The following RAB33B variants were observed in gnomAD, a reference collection of about 807,000 sequenced individuals.
The protein encoded by RAB33B is RAB33B, member RAS oncogene family, also known as ras-related protein Rab-33B.
RAB33B carries 6 observed loss-of-function variants against 15.0 expected under a neutral mutation model. The ratio of observed to expected loss-of-function variants is 0.40; its 90% CI spans 0.22 to 0.79. The LOEUF (loss-of-function observed/expected upper bound fraction) is 0.79, where lower values mean the gene tolerates loss of function less well. RAB33B is among the 30% of genes least tolerant of loss of function. The pLI, the probability that RAB33B is intolerant of heterozygous loss-of-function variation, is 0.37. For missense variants in RAB33B, 257 were observed against 296.4 expected (o/e 0.87, Z 0.98); for synonymous variants, 117 against 108.3 (o/e 1.08, Z -0.50).
At chr4:139,465,722 C>CTTTTTTT (rs375295002) in intron 1 of RAB33B, among the ~76,000 whole-genome samples, 2 of 133,238 alleles carry the variant, frequency 1.5e-5, no homozygotes, top group African/African-American at 2.9e-5. Context: ...TCTTCTTCTT[C>CTTTTTTT]TTTTTTTTTT....
the RAB33B span, among the ~76,000 whole-genome samples, chr4:139,440,397 G>A: frequency 1.3e-5 from 2 of 152,298 alleles, no homozygotes; most frequent in South Asian, 4.1e-4. Context: ...CAATGGAAGT[G>A]CAACAATGGC....
chr4:139,471,821 A>G (rs1750398444), intron 1 of RAB33B, among the ~76,000 whole-genome samples: 1 of 152,194 alleles, frequency 6.6e-6, no homozygotes, highest in African/African-American at 2.4e-5. Context: ...TGCCTAATCC[A>G]AGGTTACGAA....
intron 1 of RAB33B, among the ~76,000 whole-genome samples, chr4:139,455,909 A>C (rs1260954873): frequency 6.6e-6 from 1 of 152,154 alleles, no homozygotes. Context: ...TACTAGGGTG[A>C]CCAACTTTGC....
the RAB33B span, among the ~76,000 whole-genome samples, chr4:139,447,482 C>T: frequency 6.6e-6 from 1 of 151,942 alleles, no homozygotes; most frequent in Non-Finnish European, 1.5e-5. Context: ...GTCTTAGTTT[C>T]AAAGGGAGGA....
upstream of RAB33B, chr4:139,454,060 C>T (rs1039035125): frequency 9.4e-6 from 10 of 1,067,932 alleles, no homozygotes; most frequent in Admixed American, 9.2e-5. Flanking sequence ...CAGGCGCGCT[C>T]GGGGCTGGTG....
intron 1 of RAB33B, among the ~76,000 whole-genome samples, chr4:139,465,066 T>C (rs1750256159): frequency 6.6e-6 from 1 of 152,246 alleles, no homozygotes; most frequent in Admixed American, 6.5e-5. Flanking sequence ...TCCTGACTTT[T>C]TAGTGATCGC....
At chr4:139,459,130 CA>C (rs70943419) in intron 1 of RAB33B, among the ~76,000 whole-genome samples, 60,030 of 119,984 alleles carry the variant, frequency 0.5, 14,386 homozygotes, top group Admixed American at 0.64. Flanking sequence ...AATCCCATCT[CA>C]AAAAAAAAAA....
chr4:139,442,629 C>A, the RAB33B span, among the ~76,000 whole-genome samples: 1 of 152,128 alleles, frequency 6.6e-6, no homozygotes, highest in Non-Finnish European at 1.5e-5. Flanking sequence ...CCAGCCTATA[C>A]CTTTCTCCTA....
Position 139,473,283 on chromosome 4 carries a change from T to G in RAB33B, c.*157T>G, listed in dbSNP as rs1338664947. On this transcript the variant is annotated 3_prime_UTR_variant, in exon 2 of 2. Transcript: ENST00000305626. ...TTTTGTATTTTGTATCTACTTAAGT[T>G]TGTCACTGTGACAACACAGGAAAAG... The G allele has an allele frequency of 1.4e-6, 1 of 706,980 alleles. No homozygotes were observed. The highest frequency in any genetic ancestry group is 2.2e-6 in the Non-Finnish European group (1 of 451,088). The allele number at this position is 706,980 out of a possible 1,614,324, so 43.8% of individuals were successfully genotyped here.
rs115066055 is a variant in RAB33B, at chr4:139,464,219, A to G, written c.250-8467A>G. On this transcript the variant is annotated intron_variant, in intron 1 of 1. Coordinates refer to ENST00000305626, the MANE Select transcript of RAB33B (RefSeq NM_031296.3). Reference sequence around the variant, plus strand: ...TTGAGCCTGGTAGGTGGAGGCTGCAATGATCCATGATTGTGCCACTGCATT... The same window carrying G: ...TTGAGCCTGGTAGGTGGAGGCTGCAGTGATCCATGATTGTGCCACTGCATT... 6.1e-3 allele frequency among the ~76,000 whole-genome samples: 924 copies of G among 152,174 alleles called. 10 individuals are homozygous for G. The highest frequency in any genetic ancestry group is 0.021 in the African/African-American group (856 of 41,526).
chr4:139,441,727 T>C, the RAB33B span, among the ~76,000 whole-genome samples: 1 of 152,190 alleles, frequency 6.6e-6, no homozygotes, highest in Non-Finnish European at 1.5e-5. Flanking sequence ...CGTACTAAAA[T>C]CTATAACATT....
At chr4:139,461,721 C>T (rs1412470806) in intron 1 of RAB33B, among the ~76,000 whole-genome samples, 1 of 152,086 alleles carries the variant, frequency 6.6e-6, no homozygotes, top group Non-Finnish European at 1.5e-5. Context: ...TGCTTTCTCT[C>T]ACTGCTTGCT....
In RAB33B at chr4:139,454,361, G is replaced by C. The variant is rs149649513; in HGVS notation, c.166G>C (p.Gly56Arg). Residue 56 changes from glycine to arginine, a missense_variant, in exon 1 of 2, where the codon GGC (glycine) becomes CGC (arginine). Coordinates refer to ENST00000305626, the MANE Select transcript of RAB33B (RefSeq NM_031296.3). ...ATGCCTGACCTACCGCTTCTGCGCT[G>C]GCCGCTTCCCCGACCGCACCGAGGC... ...KTCLTYRFCA[G>R]RFPDRTEATI... is the part of the protein sequence containing the mutation. 6.2e-6 allele frequency: 10 copies of C among 1,613,896 alleles called. No homozygotes were observed. Among genetic ancestry groups the C allele is most frequent in the Non-Finnish European group, 7.6e-6 (9 of 1,180,026 alleles).
chr4:139,442,427 T>C, the RAB33B span, among the ~76,000 whole-genome samples: 2 of 152,188 alleles, frequency 1.3e-5, no homozygotes, highest in South Asian at 2.1e-4. Context: ...CTTGATTGTA[T>C]TGAAGGATGC....
the RAB33B span, among the ~76,000 whole-genome samples, chr4:139,444,467 G>A: frequency 2.0e-5 from 3 of 152,006 alleles, no homozygotes; most frequent in Non-Finnish European, 4.4e-5. Flanking sequence ...GAAGGACCCC[G>A]CTATATTACC....
chr4:139,442,734 G>C, the RAB33B span, among the ~76,000 whole-genome samples: 1 of 151,944 alleles, frequency 6.6e-6, no homozygotes, highest in East Asian at 1.9e-4. Context: ...GCCTATTGTG[G>C]GACCTTGTGA....
At position 139,454,291 on chromosome 4, in the gene RAB33B, C is replaced by G. The variant is rs147523243; in HGVS notation, c.96C>G (p.Arg32=). Residue 32 remains arginine, a synonymous_variant, in exon 1 of 2, where the codon CGC becomes CGG. Transcript: ENST00000305626. ...ASGFLPPARS[R]IFKIIVIGDS... is the part of the protein sequence containing the mutation. ...GGTTTTTGCCTCCTGCCCGCTCCCG[C>G]ATCTTCAAGATAATCGTGATCGGCG... 1.9e-5 allele frequency: 31 copies of G among 1,614,062 alleles called. No individual in the cohort carries two copies. The African/African-American group carries it at 4.0e-4, about 21-fold the overall frequency.
At chr4:139,461,134 G>A (rs1474506199) in intron 1 of RAB33B, among the ~76,000 whole-genome samples, 1 of 152,144 alleles carries the variant, frequency 6.6e-6, no homozygotes, top group East Asian at 1.9e-4. Context: ...TTCTCTGTCT[G>A]CCAGTTCCAA....
chr4:139,455,037 C>T (rs927160555), intron 1 of RAB33B, among the ~76,000 whole-genome samples: 1 of 152,148 alleles, frequency 6.6e-6, no homozygotes, highest in Non-Finnish European at 1.5e-5. Context: ...TGTGATAGTT[C>T]CTACTCAGGT....
Sources: allele counts gnomAD v4.1 joint callset (sites outside exome capture counted in the v4.1 genomes callset), GRCh38; gene constraint gnomAD v4.1.1; transcripts MANE v1.5; gene names NCBI Gene and HGNC (gene_info 2026-07-23, HGNC 2026-07-21).